Variants in C19orf18 observed in about 807,000 individuals in gnomAD.
The protein encoded by C19orf18 is chromosome 19 open reading frame 18, also known as uncharacterized protein C19orf18.
C19orf18 carries 21 observed loss-of-function variants against 23.3 expected under a neutral mutation model. That is an observed-to-expected ratio of 0.90 (90% confidence interval 0.64 to 1.30). The LOEUF is 1.30. C19orf18 is among the 50% of genes most tolerant of loss of function. The pLI is 0.00. For missense variants in C19orf18, 249 were observed against 259.6 expected (o/e 0.96, Z 0.28); for synonymous variants, 96 against 95.2 (o/e 1.01, Z -0.05).
chr19:57,965,813 A>G (rs894246509), intron 4 of C19orf18, among the ~76,000 whole-genome samples: 1 of 152,134 alleles, frequency 6.6e-6, no homozygotes, highest in African/African-American at 2.4e-5. Flanking sequence ...GGAGGATGCT[A>G]GCATCTCAAA....
chr19:57,968,013 A>AAAAAAG (rs113330334), intron 3 of C19orf18, among the ~76,000 whole-genome samples: 91,255 of 150,670 alleles, frequency 0.61, 29,339 homozygotes, highest in African/African-American at 0.84. Flanking sequence ...CCCTGTCTCA[A>AAAAAAG]AAAAAGAAAA....
intron 4 of C19orf18, among the ~76,000 whole-genome samples, chr19:57,963,076 G>A (rs899423784): frequency 6.7e-6 from 1 of 149,898 alleles, no homozygotes; most frequent in Non-Finnish European, 1.5e-5. Flanking sequence ...GCCCAGGCTG[G>A]AGTGCAATGG....
intron 3 of C19orf18, among the ~76,000 whole-genome samples, chr19:57,967,765 C>A (rs1461489164): frequency 1.4e-5 from 2 of 147,860 alleles, no homozygotes; most frequent in East Asian, 2.0e-4. Context: ...AAAAAAAAAA[C>A]TTTGGGAGGC....
Position 57,974,140 on chromosome 19 carries a change from G to A in C19orf18, c.185C>T (p.Thr62Ile), listed in dbSNP as rs761227810. 3.1e-6 allele frequency: 5 copies of A among 1,614,172 alleles called. No homozygotes were observed. Among genetic ancestry groups the A allele is most frequent in the Non-Finnish European group, 4.2e-6 (5 of 1,180,034 alleles). Residue 62 changes from threonine (T) to isoleucine (I), a missense_variant, in exon 2 of 6, where the codon ACC becomes ATC. By Grantham distance (89) the Thr-to-Ile change is moderately conservative (BLOSUM62 -1). Transcript: ENST00000314391. ...TKEPKVFFHK[T>I]QLPGIQGAAS... ...AGCCCCTTGAATCCCAGGCAACTGG[G>A]TTTTATGAAAGAACACTTTGGGCTC... is the stretch of plus-strand genomic sequence containing the variant.
At chr19:57,973,453 T>C (rs1020325371) in intron 2 of C19orf18, among the ~76,000 whole-genome samples, 2 of 151,906 alleles carry the variant, frequency 1.3e-5, no homozygotes, top group African/African-American at 2.4e-5. Flanking sequence ...CGGCTGGGCA[T>C]GGTGGCTCAT....
chr19:57,962,557 A>T (rs899250082), intron 4 of C19orf18, among the ~76,000 whole-genome samples: 1 of 152,084 alleles, frequency 6.6e-6, no homozygotes, highest in Non-Finnish European at 1.5e-5. Context: ...ATTATATATT[A>T]AAAAAATACT....
intron 3 of C19orf18, 47 bp downstream of exon 3, chr19:57,972,416 T>G (rs1230254670): frequency 1.9e-6 from 3 of 1,604,016 alleles, no homozygotes; most frequent in Non-Finnish European, 2.6e-6. Flanking sequence ...CACGACAGCT[T>G]CAGGAATGTT....
intron 4 of C19orf18, among the ~76,000 whole-genome samples, chr19:57,963,954 C>T (rs1198100005): frequency 6.6e-6 from 1 of 152,108 alleles, no homozygotes; most frequent in Non-Finnish European, 1.5e-5. Flanking sequence ...TGTAATTTTA[C>T]TTTCCTGGTT....
intron 3 of C19orf18, among the ~76,000 whole-genome samples, chr19:57,969,585 A>AAAAAAAAAAAAAC: frequency 7.1e-6 from 1 of 140,460 alleles, no homozygotes; most frequent in African/African-American, 2.5e-5. Context: ...AAAAAAAAAA[A>AAAAAAAAAAAAAC]AAAAAAAAAA....
intron 3 of C19orf18, among the ~76,000 whole-genome samples, chr19:57,968,176 G>A (rs1475411973): frequency 2.6e-5 from 4 of 152,244 alleles, no homozygotes; most frequent in Non-Finnish European, 4.4e-5. Flanking sequence ...CTCACAGGGT[G>A]GAAGGAGTGA....
At chr19:57,973,995 A>G (rs2072965226) in intron 2 of C19orf18, 104 bp downstream of exon 2, 14 of 1,104,214 alleles carry the variant, frequency 1.3e-5, no homozygotes, top group Non-Finnish European at 1.9e-5. Flanking sequence ...ACTCTATTTT[A>G]TGGACCTTTC....
At chr19:57,972,415 T>C (rs1351715192) in intron 3 of C19orf18, 48 bp downstream of exon 3, 5 of 1,603,728 alleles carry the variant, frequency 3.1e-6, no homozygotes, top group Non-Finnish European at 4.3e-6. Flanking sequence ...TCACGACAGC[T>C]TCAGGAATGT....
chr19:57,966,254 A>C (rs201052544), intron 4 of C19orf18, among the ~76,000 whole-genome samples: 59 of 152,114 alleles, frequency 3.9e-4, no homozygotes, highest in African/African-American at 1.3e-3. Flanking sequence ...TGGGATTACA[A>C]GCGTGAGCCA....
At chr19:57,967,655 G>A (rs1469639985) in intron 3 of C19orf18, among the ~76,000 whole-genome samples, 1 of 152,042 alleles carries the variant, frequency 6.6e-6, no homozygotes, top group Non-Finnish European at 1.5e-5. Flanking sequence ...AGGAGGCTGA[G>A]GCAGGAGAAT....
In C19orf18 at chr19:57,974,458, C is replaced by T. The variant is rs1279614292; in HGVS notation, c.-26G>A. ...CACTCTCAAATTATCAGTATTTTAT[C>T]CCGTAGATGAAAGGAAATACTTAGC... On this transcript the variant is annotated 5_prime_UTR_variant, in exon 1 of 6. Transcript: ENST00000314391. The T allele has an allele frequency of 4.4e-6, 7 of 1,599,180 alleles. No individual in the cohort carries two copies. The highest frequency in any genetic ancestry group is 5.9e-6 in the Non-Finnish European group (7 of 1,178,116).
intron 3 of C19orf18, among the ~76,000 whole-genome samples, chr19:57,972,182 CTG>C (rs1351358921): frequency 6.6e-6 from 1 of 152,216 alleles, no homozygotes; most frequent in Non-Finnish European, 1.5e-5. Context: ...GACAGGGCCG[CTG>C]TGTGTGCCCA....
chr19:57,961,243 AATG>A lies in C19orf18; in HGVS notation c.532+145_532+147del. ...GAGTAAGAGTCCGTCTTAAAAAAAA[AATG>A]AAAGAAAGAAAGGAAGGAAGAAAGA... On this transcript the variant is annotated intron_variant, in intron 5 of 5. Transcript: ENST00000314391. 3.1e-6 allele frequency: 3 copies of A among 953,560 alleles called. No individual in the cohort carries two copies. In the South Asian group the frequency reaches 5.6e-5, roughly 18 times the overall value. 59.1% of individuals were successfully genotyped at this position (953,560 alleles called of 1,614,324 possible).
chr19:57,961,291 GAAAA>G, intron 5 of C19orf18, 96 bp downstream of exon 5: 3 of 1,222,788 alleles, frequency 2.5e-6, no homozygotes, highest in Non-Finnish European at 3.4e-6. Flanking sequence ...AAGAAAGAAA[GAAAA>G]GAAATGCAAG....
chr19:57,973,890 A>G (rs1009133835), intron 2 of C19orf18, among the ~76,000 whole-genome samples: 1 of 151,936 alleles, frequency 6.6e-6, no homozygotes, highest in Non-Finnish European at 1.5e-5. Context: ...AGTGAAATGA[A>G]AAAGAGAAGA....
Sources: allele counts gnomAD v4.1 joint callset (sites outside exome capture counted in the v4.1 genomes callset), GRCh38; gene constraint gnomAD v4.1.1; transcripts MANE v1.5; gene names NCBI Gene and HGNC (gene_info 2026-07-23, HGNC 2026-07-21).